Variants in MRC1 observed in about 807,000 individuals in gnomAD.
MRC1 encodes the protein mannose receptor C-type 1, also known as macrophage mannose receptor 1.
Under a neutral mutation model 102.9 loss-of-function variants are expected in MRC1, and 62 were observed. The ratio of observed to expected loss-of-function variants is 0.60; its 90% CI spans 0.49 to 0.74. The LOEUF is 0.74. Among genes scored for constraint, MRC1 ranks in the 30% least tolerant of loss-of-function variants. The pLI, the probability that MRC1 is intolerant of heterozygous loss-of-function variation, is 0.00. For synonymous variants in MRC1, 457 were observed against 298.4 expected (o/e 1.53, Z -5.48); for missense variants, 1,237 against 862.8 (o/e 1.43, Z -5.43).
intron 9 of MRC1, among the ~76,000 whole-genome samples, chr10:17,861,173 T>C (rs1833179270): frequency 6.6e-6 from 1 of 151,962 alleles, no homozygotes; most frequent in East Asian, 1.9e-4. Flanking sequence ...TTTGGCCGGG[T>C]GTGGTGGCAC....
chr10:17,876,148 G>A (rs1833433863), intron 17 of MRC1, among the ~76,000 whole-genome samples: 2 of 152,084 alleles, frequency 1.3e-5, no homozygotes, highest in African/African-American at 2.4e-5. Flanking sequence ...ACCTCCAAAG[G>A]TCAAGGTAAA....
chr10:17,851,337 A>AC (rs1838913360), intron 7 of MRC1, among the ~76,000 whole-genome samples: 1 of 152,118 alleles, frequency 6.6e-6, no homozygotes, highest in Non-Finnish European at 1.5e-5. Flanking sequence ...ATAAAAGTAA[A>AC]GTTGTAAAGT....
In MRC1 at chr10:17,879,783, A is replaced by G; in HGVS notation, c.2681A>G (p.Asn894Ser). Residue 894 changes from asparagine to serine, a missense_variant, in exon 19 of 30, where the codon AAT becomes AGT. Transcript: ENST00000569591. Reference protein sequence around the residue: ...SWATGEPNFANEDENCVTMYS... With the variant: ...SWATGEPNFASEDENCVTMYS... ...GCCACAGGTGAACCCAATTTTGCAA[A>G]TGAAGATGAAAACTGTGTGACCATG... 1 of 780,888 alleles carries G rather than the reference A, an allele frequency of 1.3e-6. No homozygotes were observed. The highest frequency in any genetic ancestry group is 1.7e-5 in the Admixed American group (1 of 59,032). 48.4% of individuals were successfully genotyped at this position (780,888 alleles called of 1,614,324 possible). A position where few individuals can be genotyped will look rare whatever the true frequency, so the allele number is the denominator to read the frequency against.
intron 1 of MRC1, among the ~76,000 whole-genome samples, chr10:17,809,782 T>C (rs895032054): frequency 8.5e-5 from 13 of 152,190 alleles, no homozygotes; most frequent in African/African-American, 2.9e-4. Context: ...AGACCTTCAG[T>C]GTCCTCCTGA....
chr10:17,828,150 C>T (rs1838510850), intron 3 of MRC1, among the ~76,000 whole-genome samples: 1 of 152,198 alleles, frequency 6.6e-6, no homozygotes, highest in African/African-American at 2.4e-5. Flanking sequence ...GATCTCCACT[C>T]ACTGCAAGCT....
chr10:17,814,601 A>G (rs1838276814), intron 1 of MRC1, among the ~76,000 whole-genome samples: 1 of 151,854 alleles, frequency 6.6e-6, no homozygotes, highest in African/African-American at 2.4e-5. Context: ...ATCAACCCCA[A>G]AGAAGATAAC....
At chr10:17,847,174 G>A (rs1366497059) in intron 6 of MRC1, among the ~76,000 whole-genome samples, 2 of 151,832 alleles carry the variant, frequency 1.3e-5, no homozygotes, top group Non-Finnish European at 2.9e-5. Flanking sequence ...TTTTTTGGAA[G>A]CCTTCATTAC....
In MRC1 at chr10:17,909,357, T is replaced by C. The variant is rs1564628253; in HGVS notation, c.4120+10T>C. 2.3e-6 allele frequency: 2 copies of C among 871,380 alleles called. No homozygotes were observed. The highest frequency in any genetic ancestry group is 4.0e-6 in the Non-Finnish European group (2 of 500,502). The allele number at this position is 871,380 out of a possible 1,614,324, so 54.0% of individuals were successfully genotyped here. A position where few individuals can be genotyped will look rare whatever the true frequency, so the allele number is the denominator to read the frequency against. ...TTACTTACAACAAAAGGTAAGGCCA[T>C]TGCAAAATTTCAAGTTCTGTGTTAG... On this transcript the variant is annotated intron_variant, in intron 29 of 29. Coordinates refer to ENST00000569591, the MANE Select transcript of MRC1 (RefSeq NM_002438.4).
At chr10:17,860,279 T>A (rs1357011631) in intron 9 of MRC1, among the ~76,000 whole-genome samples, 12 of 151,824 alleles carry the variant, frequency 7.9e-5, no homozygotes, top group African/African-American at 2.9e-4. Context: ...TTTCTGTTTT[T>A]TTTTTTTTCT....
intron 1 of MRC1, among the ~76,000 whole-genome samples, chr10:17,818,103 A>C (rs1468846334): frequency 6.6e-6 from 1 of 152,272 alleles, no homozygotes; most frequent in African/African-American, 2.4e-5. Flanking sequence ...GTATTGAAAC[A>C]GAACCTTTTC....
intron 1 of MRC1, among the ~76,000 whole-genome samples, chr10:17,819,190 A>G (rs1273428630): frequency 1.3e-5 from 2 of 152,148 alleles, no homozygotes; most frequent in Non-Finnish European, 2.9e-5. Context: ...AAGAGATGGG[A>G]AAAACAGAAA....
chr10:17,810,848 A>G (rs1383166059), intron 1 of MRC1, among the ~76,000 whole-genome samples: 6 of 152,242 alleles, frequency 3.9e-5, no homozygotes, highest in African/African-American at 1.4e-4. Flanking sequence ...GCTGCAGTGC[A>G]GTGGCATGAT....
Position 17,870,935 on chromosome 10 carries a change from TGTGA to T in MRC1, c.2199+3_2199+6del. 1.1e-6 allele frequency: 1 copy of T among 872,196 alleles called. No individual in the cohort carries two copies. The highest frequency in any genetic ancestry group is 2.4e-5 in the East Asian group (1 of 41,672). 54.0% of individuals were successfully genotyped at this position (872,196 alleles called of 1,614,324 possible). The stretch of plus-strand genomic sequence containing the variant: ...GTTTTACTTGGAGTGATGGTTCTCC[TGTGA>T]GTAATTTTACTTACTATATAACTTT... On this transcript the variant is annotated splice_donor_variant and splice_donor_region_variant and intron_variant, in intron 14 of 29. Transcript: ENST00000569591. LOFTEE classifies it high-confidence loss of function.
At chr10:17,820,364 A>C (rs1838376705) in intron 1 of MRC1, among the ~76,000 whole-genome samples, 1 of 152,198 alleles carries the variant, frequency 6.6e-6, no homozygotes, top group East Asian at 1.9e-4. Context: ...AAGAATTAGA[A>C]AGAGAAGTTT....
intron 23 of MRC1, among the ~76,000 whole-genome samples, chr10:17,897,812 A>G (rs1833776223): frequency 6.6e-6 from 1 of 152,226 alleles, no homozygotes; most frequent in African/African-American, 2.4e-5. Context: ...TTGCCTTAAT[A>G]TTCTAAATAT....
At chr10:17,860,479 T>A (rs1833168514) in intron 9 of MRC1, among the ~76,000 whole-genome samples, 1 of 152,156 alleles carries the variant, frequency 6.6e-6, no homozygotes, top group Non-Finnish European at 1.5e-5. Flanking sequence ...GGACTCACTA[T>A]GTTGCCCAGG....
At chr10:17,818,217 A>C (rs910830042) in intron 1 of MRC1, among the ~76,000 whole-genome samples, 2 of 152,212 alleles carry the variant, frequency 1.3e-5, no homozygotes, top group Non-Finnish European at 2.9e-5. Context: ...TGTAATCATT[A>C]ATCTATCATT....
rs782049493 is a variant in MRC1 at position 17,823,417 on chromosome 10, A to G, written c.405A>G (p.Leu135=). The change falls in exon 2 of 30, where the codon TTA becomes TTG. Residue 135 remains leucine, a synonymous_variant. Transcript: ENST00000569591. ...KNIMLYKGSG[L]WSRWKIYGTT... is the part of the protein sequence containing the mutation. ...TTATGCTCTACAAGGGATCGGGTTTATGGAGCAGGTGGAAGATCTATGGAA... is the reference window on the plus strand; with the variant it reads ...TTATGCTCTACAAGGGATCGGGTTTGTGGAGCAGGTGGAAGATCTATGGAA... 2.6e-6 allele frequency: 2 copies of G among 780,884 alleles called. No individual in the cohort carries two copies. Among genetic ancestry groups the G allele is most frequent in the South Asian group, 2.7e-5 (2 of 74,618 alleles). The allele number at this position is 780,884 out of a possible 1,614,324, so 48.4% of individuals were successfully genotyped here.
intron 26 of MRC1, among the ~76,000 whole-genome samples, chr10:17,902,514 T>G (rs1187923476): frequency 6.6e-6 from 1 of 152,212 alleles, no homozygotes; most frequent in Non-Finnish European, 1.5e-5. Flanking sequence ...TTATTGTTTT[T>G]GTGAAGACAA....
Sources: gnomAD v4.1 joint callset for allele counts (sites outside exome capture counted in the v4.1 genomes callset) on GRCh38, gnomAD v4.1.1 for gene constraint, MANE v1.5 for transcripts, NCBI Gene and HGNC (gene_info 2026-07-23, HGNC 2026-07-21) for gene names.